Variants in AGAP1 observed in about 807,000 individuals in gnomAD.
AGAP1 encodes the protein arf-GAP with GTPase, ANK repeat and PH domain-containing protein 1.
AGAP1 carries 29 observed loss-of-function variants against 105.3 expected under a neutral mutation model. That is an observed-to-expected ratio of 0.28 (90% confidence interval 0.21 to 0.38). The LOEUF (loss-of-function observed/expected upper bound fraction) is 0.38. Among genes scored for constraint, AGAP1 ranks in the 10% least tolerant of loss-of-function variants. The probability of loss-of-function intolerance (pLI) is 1.00; values close to 1 mark genes in which losing one functional copy is unlikely to be tolerated. For synonymous variants in AGAP1, 509 were observed against 485.9 expected (o/e 1.05, Z -0.63); for missense variants, 998 against 1,165.1 (o/e 0.86, Z 2.09).
At chr2:236,054,132 A>G (rs1455631450) in intron 16 of AGAP1, among the ~76,000 whole-genome samples, 1 of 152,214 alleles carries the variant, frequency 6.6e-6, no homozygotes, top group Non-Finnish European at 1.5e-5. Flanking sequence ...CTGGAACTCC[A>G]CTTTCATCTT....
chr2:235,899,787 A>G (rs1456269709), intron 10 of AGAP1, among the ~76,000 whole-genome samples: 2 of 145,302 alleles, frequency 1.4e-5, no homozygotes, highest in Non-Finnish European at 1.5e-5. Context: ...AGCTGTTTTC[A>G]TATCCGAGGC....
In AGAP1 at chr2:235,961,877, C is replaced by T. The variant is rs2054202131; in HGVS notation, c.1484-6585C>T. ...AGCAAGACTTCGTCACACACACGCA[C>T]AAAAAAGTGAGATGACAGCTCATGT... is the stretch of plus-strand genomic sequence containing the variant. On this transcript the variant is annotated intron_variant, in intron 12 of 17. Coordinates refer to ENST00000304032, the MANE Select transcript of AGAP1 (RefSeq NM_001037131.3). The surrounding 1 kb of genome is among the most constrained non-coding windows in gnomAD (Gnocchi z 5.9). Among the ~76,000 whole-genome samples the T allele has an allele frequency of 6.6e-6, 1 of 152,128 alleles. No homozygotes were observed. The highest frequency in any genetic ancestry group is 1.5e-5 in the Non-Finnish European group (1 of 68,012).
chr2:236,003,798 T>C lies in AGAP1; in HGVS notation c.1646-32763T>C, dbSNP rs1321635538. Among the ~76,000 whole-genome samples the C allele has an allele frequency of 6.6e-6, 1 of 152,090 alleles. No individual in the cohort carries two copies. Among genetic ancestry groups the C allele is most frequent in the African/African-American group, 2.4e-5 (1 of 41,400 alleles). ...TGCTGTCCTACCACTTTTTTTTTTT[T>C]CTGGAAGTTTGCATGTCCTACACTA... On this transcript the variant is annotated intron_variant, in intron 13 of 17. Coordinates refer to ENST00000304032, the MANE Select transcript of AGAP1 (RefSeq NM_001037131.3). The surrounding 1 kb of genome is among the most constrained non-coding windows in gnomAD (Gnocchi z 4.2).
At chr2:235,946,714 T>G (rs1346394241) in intron 12 of AGAP1, among the ~76,000 whole-genome samples, 2 of 152,154 alleles carry the variant, frequency 1.3e-5, no homozygotes, top group Non-Finnish European at 2.9e-5. Flanking sequence ...GCTTTCTATG[T>G]AGTAGCTTGG....
Position 236,000,777 on chromosome 2 carries a change from G to A in AGAP1, c.1645+32154G>A, listed in dbSNP as rs111769555. Among the ~76,000 whole-genome samples the A allele has an allele frequency of 6.6e-6, 1 of 152,196 alleles. No homozygotes were observed. The highest frequency in any genetic ancestry group is 6.5e-5 in the Admixed American group (1 of 15,282). On this transcript the variant is annotated intron_variant, in intron 13 of 17. Transcript: ENST00000304032. This position sits in a 1 kb window ranked among gnomAD's most constrained non-coding sequence, Gnocchi z 4.3. ...TTGTGTTTGCAGTGAGGGCCACTAA[G>A]GGGGGCGGAGAAGACCCCTGACAGC...
In AGAP1 at chr2:235,659,541, C is replaced by T. The variant is rs959603080; in HGVS notation, c.164-49638C>T. 1.6e-4 allele frequency among the ~76,000 whole-genome samples: 25 copies of T among 152,160 alleles called. No individual in the cohort carries two copies. Among genetic ancestry groups the T allele is most frequent in the African/African-American group, 3.6e-4 (15 of 41,446 alleles). On this transcript the variant is annotated intron_variant, in intron 1 of 17. Coordinates refer to ENST00000304032, the MANE Select transcript of AGAP1 (RefSeq NM_001037131.3). The surrounding 1 kb of genome is among the most constrained non-coding windows in gnomAD (Gnocchi z 5.0). ...CATGTTTTGTGGGTCACTTGCCAGGCGTCAGTGCCCTGCTCGGGGTCCCTT... is the reference window on the plus strand; with the variant it reads ...CATGTTTTGTGGGTCACTTGCCAGGTGTCAGTGCCCTGCTCGGGGTCCCTT...
intron 11 of AGAP1, among the ~76,000 whole-genome samples, chr2:235,911,271 A>G (rs2051596949): frequency 6.6e-6 from 1 of 152,038 alleles, no homozygotes; most frequent in Non-Finnish European, 1.5e-5. Context: ...TGTTGGGGAG[A>G]AAGACAAGTA....
chr2:235,870,838 C>T (rs2049402866), intron 9 of AGAP1, among the ~76,000 whole-genome samples: 1 of 152,230 alleles, frequency 6.6e-6, no homozygotes, highest in Non-Finnish European at 1.5e-5. Context: ...ATGCAGCTTT[C>T]TCAGCCTGCT....
chr2:235,548,710 T>C (rs1388433557), intron 1 of AGAP1, among the ~76,000 whole-genome samples: 1 of 151,192 alleles, frequency 6.6e-6, no homozygotes, highest in Admixed American at 6.6e-5. Context: ...TTATCTGGAA[T>C]TCAAAAACCC....
Position 235,977,317 on chromosome 2 carries a change from C to T in AGAP1, c.1645+8694C>T, listed in dbSNP as rs930027597. 4.6e-5 allele frequency among the ~76,000 whole-genome samples: 7 copies of T among 151,982 alleles called. No individual in the cohort carries two copies. Among genetic ancestry groups the T allele is most frequent in the Non-Finnish European group, 1.0e-4 (7 of 68,022 alleles). On this transcript the variant is annotated intron_variant, in intron 13 of 17. Coordinates refer to ENST00000304032, the MANE Select transcript of AGAP1 (RefSeq NM_001037131.3). The surrounding 1 kb of genome is among the most constrained non-coding windows in gnomAD (Gnocchi z 5.2). ...GGCTTTTCGGATGTCATTTAAGTCT[C>T]GGTGAAATTATGGTCCACTTGGACC...
intron 1 of AGAP1, among the ~76,000 whole-genome samples, chr2:235,703,633 C>G (rs1329037736): frequency 6.7e-6 from 1 of 150,012 alleles, no homozygotes; most frequent in Non-Finnish European, 1.5e-5. Context: ...CTCCCTCGCT[C>G]TATCCCCCAG....
At chr2:235,542,309 A>ACTTGGC (rs1220750567) in intron 1 of AGAP1, among the ~76,000 whole-genome samples, 1 of 152,164 alleles carries the variant, frequency 6.6e-6, no homozygotes, top group Non-Finnish European at 1.5e-5. Context: ...AGGGCCAGGG[A>ACTTGGC]CTTGGCCTTG....
At chr2:235,886,086 A>C (rs2050262023) in intron 10 of AGAP1, among the ~76,000 whole-genome samples, 1 of 152,114 alleles carries the variant, frequency 6.6e-6, no homozygotes, top group African/African-American at 2.4e-5. Context: ...CATCCATCAG[A>C]ACAACAGCGA....
chr2:235,878,811 G>C (rs1017646185), intron 9 of AGAP1, among the ~76,000 whole-genome samples: 1 of 152,164 alleles, frequency 6.6e-6, no homozygotes, highest in Non-Finnish European at 1.5e-5. Flanking sequence ...GTAAACTGTG[G>C]GGTGCAGCGG....
chr2:235,947,348 C>T (rs971947391), intron 12 of AGAP1, among the ~76,000 whole-genome samples: 2 of 152,180 alleles, frequency 1.3e-5, no homozygotes, highest in African/African-American at 4.8e-5. Flanking sequence ...TCCTGAGTTA[C>T]TTCACTTAGA....
intron 1 of AGAP1, among the ~76,000 whole-genome samples, chr2:235,583,553 ATTTTT>A (rs763297542): frequency 7.8e-6 from 1 of 128,462 alleles, no homozygotes; most frequent in African/African-American, 3.1e-5. Context: ...TACCTGGCTA[ATTTTT>A]TTTTTTTTTT....
rs1186596082 is a variant in AGAP1, at chr2:235,608,764, T to A, written c.164-100415T>A. ...TAGGGGAGAGAGGAGCAATTTTCCATGGAATATATCTGATGGCAGGTCTTG... is the reference window on the plus strand; with the variant it reads ...TAGGGGAGAGAGGAGCAATTTTCCAAGGAATATATCTGATGGCAGGTCTTG... On this transcript the variant is annotated intron_variant, in intron 1 of 17. Transcript: ENST00000304032. The surrounding 1 kb of genome is among the most constrained non-coding windows in gnomAD (Gnocchi z 5.4). Among the ~76,000 whole-genome samples the A allele has an allele frequency of 6.6e-6, 1 of 152,086 alleles. No individual in the cohort carries two copies. The highest frequency in any genetic ancestry group is 2.4e-5 in the African/African-American group (1 of 41,400).
rs1282617062 is a variant in AGAP1, at chr2:235,551,463, A to G, written c.163+56614A>G. 7.0e-6 allele frequency among the ~76,000 whole-genome samples: 1 copy of G among 143,322 alleles called. No homozygotes were observed. Among genetic ancestry groups the G allele is most frequent in the African/African-American group, 2.7e-5 (1 of 37,474 alleles). The allele number at this position is 143,322 out of a possible 152,430, so 94.0% of individuals were successfully genotyped here. On this transcript the variant is annotated intron_variant, in intron 1 of 17. Coordinates refer to ENST00000304032, the MANE Select transcript of AGAP1 (RefSeq NM_001037131.3). This position sits in a 1 kb window ranked among gnomAD's most constrained non-coding sequence, Gnocchi z 4.8. ...TGGGACTACAGGTGCGCAGCACCAC[A>G]CCTGGCTGATTTTTTTTGTAGAGAC...
intron 5 of AGAP1, among the ~76,000 whole-genome samples, chr2:235,749,208 A>ATT (rs368585491): frequency 1.4e-5 from 2 of 138,818 alleles, no homozygotes; most frequent in South Asian, 5.4e-4. Context: ...ACTCCATCTC[A>ATT]TTAAAAAAAA....
Sources: gnomAD v4.1 joint callset for allele counts (sites outside exome capture counted in the v4.1 genomes callset) on GRCh38, gnomAD v4.1.1 for gene constraint, Gnocchi (gnomAD v3.1) non-coding constraint, MANE v1.5 for transcripts, NCBI Gene and HGNC (gene_info 2026-07-23, HGNC 2026-07-21) for gene names.